The following CCSER1 variants were observed in gnomAD, a reference collection of about 807,000 sequenced individuals.
CCSER1 encodes the protein coiled-coil serine rich protein 1, also known as serine-rich coiled-coil domain-containing protein 1.
CCSER1 carries 41 observed loss-of-function variants against 82.0 expected under a neutral mutation model. That is an observed-to-expected ratio of 0.50 (90% CI 0.39 to 0.65). The LOEUF (loss-of-function observed/expected upper bound fraction) is 0.65, where lower values mean the gene tolerates loss of function less well. CCSER1 is among the 30% of genes least tolerant of loss of function. The pLI is 0.00. For missense variants in CCSER1, 1,119 were observed against 1,064.2 expected, an observed-to-expected ratio of 1.05 and a Z score of -0.72; for synonymous variants, 414 against 383.9, an observed-to-expected ratio of 1.08 and a Z score of -0.92.
At chr4:91,299,417 G>A (rs1275719649) in intron 10 of CCSER1, among the ~76,000 whole-genome samples, 4 of 151,904 alleles carry the variant, frequency 2.6e-5, no homozygotes, top group South Asian at 4.1e-4. Context: ...AATAATAGCC[G>A]ACATTCATCT....
chr4:91,369,803 G>A (rs1219658154), intron 10 of CCSER1, among the ~76,000 whole-genome samples: 1 of 151,030 alleles, frequency 6.6e-6, no homozygotes, highest in African/African-American at 2.4e-5. Context: ...CAAGTAGCTG[G>A]GACTTTGGGA....
At chr4:91,192,196 C>T (rs1735052832) in intron 10 of CCSER1, among the ~76,000 whole-genome samples, 1 of 152,046 alleles carries the variant, frequency 6.6e-6, no homozygotes, top group Admixed American at 6.6e-5. Flanking sequence ...TTTATGCCCC[C>T]ACTTTTCCCC....
At chr4:91,439,660 C>T (rs1388307916) in intron 10 of CCSER1, among the ~76,000 whole-genome samples, 1 of 152,108 alleles carries the variant, frequency 6.6e-6, no homozygotes, top group East Asian at 1.9e-4. Flanking sequence ...TTAAAAGACA[C>T]AGACTGGCAA....
chr4:91,339,657 C>T (rs1747568370), intron 10 of CCSER1, among the ~76,000 whole-genome samples: 1 of 152,146 alleles, frequency 6.6e-6, no homozygotes, highest in South Asian at 2.1e-4. Context: ...AAATCTTCCT[C>T]AGAATAATAC....
intron 9 of CCSER1, among the ~76,000 whole-genome samples, chr4:91,070,368 C>T (rs563149506): frequency 6.6e-6 from 1 of 152,304 alleles, no homozygotes; most frequent in South Asian, 2.1e-4. Flanking sequence ...TTTAGTTGAA[C>T]TCAGTTTATA....
At chr4:91,013,644 C>T (rs1441730674) in intron 9 of CCSER1, among the ~76,000 whole-genome samples, 1 of 119,796 alleles carries the variant, frequency 8.3e-6, no homozygotes, top group Non-Finnish European at 1.9e-5. Context: ...GCTCTGTCAA[C>T]CAGGCTGGAG....
intron 10 of CCSER1, among the ~76,000 whole-genome samples, chr4:91,444,719 G>T (rs527877740): frequency 6.6e-6 from 1 of 152,152 alleles, no homozygotes; most frequent in African/African-American, 2.4e-5. Context: ...CAAAGTGCTG[G>T]GATCACAGGT....
chr4:91,367,317 CAAAAA>C (rs557952182), intron 10 of CCSER1, among the ~76,000 whole-genome samples: 1 of 75,042 alleles, frequency 1.3e-5, no homozygotes, highest in Non-Finnish European at 2.4e-5. Flanking sequence ...ATCCTGTCTC[CAAAAA>C]AAAAAAAAAA....
intron 9 of CCSER1, among the ~76,000 whole-genome samples, chr4:90,958,584 A>G (rs1013662903): frequency 3.3e-5 from 5 of 151,928 alleles, no homozygotes; most frequent in African/African-American, 1.2e-4. Flanking sequence ...GCTGCAGCCC[A>G]CTTGCTAACC....
chr4:91,188,670 C>G (rs1734766333), intron 10 of CCSER1, among the ~76,000 whole-genome samples: 1 of 152,092 alleles, frequency 6.6e-6, no homozygotes, highest in African/African-American at 2.4e-5. Context: ...AGGTCATTAG[C>G]TGATGTTGAG....
intron 1 of CCSER1, among the ~76,000 whole-genome samples, chr4:90,243,037 ATCTC>A (rs1048401484): frequency 1.8e-4 from 27 of 146,122 alleles, no homozygotes; most frequent in South Asian, 6.6e-4. Context: ...CAGCTAGTTG[ATCTC>A]TCTCTCTTTT....
At chr4:91,018,393 C>A (rs976041437) in intron 9 of CCSER1, among the ~76,000 whole-genome samples, 5 of 152,102 alleles carry the variant, frequency 3.3e-5, no homozygotes, top group African/African-American at 7.2e-5. Context: ...CTTCATCTCT[C>A]ATTTGTACTA....
In CCSER1 at chr4:90,463,854, C is replaced by T. The variant is rs551034111; in HGVS notation, c.1604-4380C>T. ...TTGCATGAAAGACAAAAATGCCTCT[C>T]TGATGAATCCTTAGTAGTTTTGCGA... On this transcript the variant is annotated intron_variant, in intron 4 of 10. Transcript: ENST00000509176. Among the ~76,000 whole-genome samples the T allele has an allele frequency of 4.6e-5, 7 of 152,144 alleles. No homozygotes were observed. The East Asian group carries it at 1.3e-3, about 29-fold the overall frequency.
chr4:91,015,622 A>T (rs1739362027), intron 9 of CCSER1: 1 of 151,850 alleles, frequency 6.6e-6, no homozygotes, highest in Non-Finnish European at 1.5e-5. Flanking sequence ...TTTATGTTTG[A>T]AAAAATACAA....
chr4:91,385,307 A>G (rs1022622103), intron 10 of CCSER1, among the ~76,000 whole-genome samples: 1 of 152,066 alleles, frequency 6.6e-6, no homozygotes, highest in African/African-American at 2.4e-5. Context: ...TGAAAAAAAC[A>G]AAGTGCAAAA....
chr4:91,036,734 A>T (rs1201102624), intron 9 of CCSER1, among the ~76,000 whole-genome samples: 1 of 152,182 alleles, frequency 6.6e-6, no homozygotes, highest in Non-Finnish European at 1.5e-5. Context: ...ATAAAAAATA[A>T]GGAGTTAGAT....
chr4:91,460,130 A>C (rs1013361909), intron 10 of CCSER1, among the ~76,000 whole-genome samples: 2 of 152,174 alleles, frequency 1.3e-5, no homozygotes, highest in Non-Finnish European at 2.9e-5. Flanking sequence ...GCTTCCATGG[A>C]GAGTTGAAAG....
At chr4:90,179,184 C>T (rs940318017) in intron 1 of CCSER1, among the ~76,000 whole-genome samples, 4 of 151,540 alleles carry the variant, frequency 2.6e-5, no homozygotes, top group Admixed American at 6.6e-5. Context: ...TTTCTTTGGT[C>T]GAAGAAAATA....
chr4:90,596,220 A>T (rs565687337), intron 5 of CCSER1, among the ~76,000 whole-genome samples: 2 of 152,084 alleles, frequency 1.3e-5, no homozygotes, highest in South Asian at 4.1e-4. Context: ...AACTAAAAAC[A>T]AATTGTAAAA....
Sources: allele counts gnomAD v4.1 joint callset (sites outside exome capture counted in the v4.1 genomes callset), GRCh38; gene constraint gnomAD v4.1.1; transcripts MANE v1.5; gene names NCBI Gene and HGNC (gene_info 2026-07-23, HGNC 2026-07-21).